GLP2R: variants seen among roughly 807,000 people sequenced by gnomAD.
GLP2R encodes the protein glucagon like peptide 2 receptor.
A neutral mutation model predicts 68.2 loss-of-function variants in GLP2R; 59 were observed. That is an observed-to-expected ratio of 0.87 (90% CI 0.70 to 1.07). The LOEUF is 1.07. Among genes scored for constraint, GLP2R ranks in the 50% least tolerant of loss-of-function variants. The pLI is 0.00. For synonymous variants in GLP2R, 270 were observed against 265.4 expected, an observed-to-expected ratio of 1.02 and a Z score of -0.17; for missense variants, 548 against 677.4, an observed-to-expected ratio of 0.81 and a Z score of 2.12.
chr17:9,883,808 A>C (rs1331969032), intron 11 of GLP2R, among the ~76,000 whole-genome samples: 1 of 152,236 alleles, frequency 6.6e-6, no homozygotes, highest in African/African-American at 2.4e-5. Context: ...ATAAAAACAA[A>C]GACTGAGAGA....
chr17:9,885,332 A>G (rs8078466), intron 11 of GLP2R, among the ~76,000 whole-genome samples: 9,132 of 151,888 alleles, frequency 0.06, 925 homozygotes, highest in African/African-American at 0.21. Flanking sequence ...TGGGATTGCA[A>G]GCATGAGCCA....
At chr17:9,840,120 G>A (rs2066772027) in intron 3 of GLP2R, among the ~76,000 whole-genome samples, 1 of 152,050 alleles carries the variant, frequency 6.6e-6, no homozygotes, top group African/African-American at 2.4e-5. Flanking sequence ...GGGATTACAG[G>A]CACACATCAC....
intron 11 of GLP2R, among the ~76,000 whole-genome samples, chr17:9,885,523 T>C (rs1461423490): frequency 6.6e-6 from 1 of 152,046 alleles, no homozygotes; most frequent in Non-Finnish European, 1.5e-5. Flanking sequence ...CGCTAGCTGT[T>C]GGACAGGACC....
At chr17:9,869,718 G>A (rs1037649923) in intron 9 of GLP2R, among the ~76,000 whole-genome samples, 4 of 152,202 alleles carry the variant, frequency 2.6e-5, no homozygotes, top group South Asian at 4.1e-4. Context: ...TTCCCCTGGA[G>A]TGAGAAACCT....
intron 4 of GLP2R, 117 bp from the exon 5 acceptor site, chr17:9,854,378 T>C: frequency 1.4e-6 from 1 of 703,332 alleles, no homozygotes; most frequent in South Asian, 1.6e-5. Flanking sequence ...GAAGGAAACA[T>C]TTAAAAAAAT....
chr17:9,875,722 A>G (rs1217027573), intron 10 of GLP2R, among the ~76,000 whole-genome samples: 4 of 152,218 alleles, frequency 2.6e-5, no homozygotes, highest in African/African-American at 9.6e-5. Context: ...GAATGCGGAC[A>G]GAGTTCAGCA....
At chr17:9,877,597 A>G (rs2067152318) in intron 10 of GLP2R, among the ~76,000 whole-genome samples, 1 of 152,166 alleles carries the variant, frequency 6.6e-6, no homozygotes, top group Non-Finnish European at 1.5e-5. Context: ...TGCTAACATT[A>G]GGGGAAACTA....
At chr17:9,852,935 C>G (rs181146559) in intron 4 of GLP2R, 2 of 493,758 alleles carry the variant, frequency 4.1e-6, no homozygotes, top group Admixed American at 4.8e-5. Context: ...TTCTTCTCCT[C>G]TTCATCTTCT....
intron 4 of GLP2R, among the ~76,000 whole-genome samples, chr17:9,847,908 G>C (rs377723793): frequency 6.6e-6 from 1 of 152,238 alleles, no homozygotes; most frequent in East Asian, 1.9e-4. Flanking sequence ...CCAGTGCTTT[G>C]GGAGGCTGAG....
At chr17:9,840,255 G>A (rs770072124) in intron 3 of GLP2R, among the ~76,000 whole-genome samples, 2 of 152,298 alleles carry the variant, frequency 1.3e-5, no homozygotes, top group South Asian at 2.1e-4. Context: ...GATTACAGGC[G>A]TGAGCCACCG....
chr17:9,854,637 G>A (rs755042329), intron 5 of GLP2R, 36 bp downstream of exon 5: 2 of 1,181,806 alleles, frequency 1.7e-6, no homozygotes, highest in Non-Finnish European at 1.3e-6. Context: ...GTTCGGGCAG[G>A]TATAGTAGCC....
intron 4 of GLP2R, among the ~76,000 whole-genome samples, chr17:9,851,559 G>T (rs1465516227): frequency 6.6e-6 from 1 of 152,152 alleles, no homozygotes; most frequent in Non-Finnish European, 1.5e-5. Context: ...AGACTGACAA[G>T]ATTGTAGGGA....
chr17:9,878,746 T>C (rs1364891647), intron 10 of GLP2R, among the ~76,000 whole-genome samples: 2 of 152,168 alleles, frequency 1.3e-5, no homozygotes, highest in African/African-American at 4.8e-5. Flanking sequence ...ATTGATAACA[T>C]TGCATCTGAA....
At chr17:9,877,358 A>C (rs1244154879) in intron 10 of GLP2R, among the ~76,000 whole-genome samples, 2 of 152,200 alleles carry the variant, frequency 1.3e-5, no homozygotes, top group Non-Finnish European at 2.9e-5. Flanking sequence ...AGTTAGAATA[A>C]GGTGAAGGGT....
chr17:9,829,485 C>T (rs1597373784), intron 1 of GLP2R, among the ~76,000 whole-genome samples: 2 of 152,138 alleles, frequency 1.3e-5, no homozygotes, highest in Non-Finnish European at 1.5e-5. Context: ...GCATCATTTA[C>T]GTCAGCAAAC....
At position 9,870,713 on chromosome 17, in the gene GLP2R, CACTT is replaced by C. The variant is rs764196947; in HGVS notation, c.1057-27_1057-24del. 1.0e-5 allele frequency: 10 copies of C among 971,588 alleles called. No individual in the cohort carries two copies. In the South Asian group the frequency reaches 1.0e-4, roughly 10 times the overall value. The allele number at this position is 971,588 out of a possible 1,614,324, so 60.2% of individuals were successfully genotyped here. On this transcript the variant is annotated intron_variant, in intron 9 of 12. Transcript: ENST00000262441. ...AAGTTCACAGCTATGTGGAATTCGT[CACTT>C]ACTTACCCAATTCTGCTCTTTTTTT... is the stretch of plus-strand genomic sequence containing the variant.
chr17:9,827,396 G>A (rs1021519350), intron 1 of GLP2R, among the ~76,000 whole-genome samples: 3 of 152,120 alleles, frequency 2.0e-5, no homozygotes. Flanking sequence ...TTTTACAGAT[G>A]AGTAAACTGA....
At chr17:9,882,038 TAA>T (rs60129746) in intron 11 of GLP2R, among the ~76,000 whole-genome samples, 91 of 113,552 alleles carry the variant, frequency 8.0e-4, no homozygotes, top group Non-Finnish European at 8.9e-4. Flanking sequence ...ACACATTAAC[TAA>T]AAAAAAAAAA....
chr17:9,831,349 T>C (rs1178087551), intron 1 of GLP2R, among the ~76,000 whole-genome samples: 1 of 152,182 alleles, frequency 6.6e-6, no homozygotes. Flanking sequence ...AGCCCTGTGC[T>C]GGGGGCTTGT....
Sources: gnomAD v4.1 joint callset for allele counts (sites outside exome capture counted in the v4.1 genomes callset) on GRCh38, gnomAD v4.1.1 for gene constraint, MANE v1.5 for transcripts, NCBI Gene and HGNC (gene_info 2026-07-23, HGNC 2026-07-21) for gene names.